Variants in PLD5 observed in about 807,000 individuals in gnomAD.
PLD5 encodes the protein inactive phospholipase D5.
PLD5 carries 36 observed loss-of-function variants against 61.1 expected under a neutral mutation model. The observed-to-expected ratio is 0.59, with a 90% CI of 0.45 to 0.78. The LOEUF is 0.78. Among genes scored for constraint, PLD5 ranks in the 30% least tolerant of loss-of-function variants. PLD5 has a pLI of 0.00. For missense variants in PLD5, 515 were observed against 644.4 expected (o/e 0.80, Z 2.17); for synonymous variants, 243 against 242.8 (o/e 1.00, Z -0.01).
Position 242,087,948 on chromosome 1 carries a change from C to T in PLD5, c.*1906G>A, listed in dbSNP as rs144686669. 6.6e-6 allele frequency: 1 copy of T among 152,308 alleles called. No homozygotes were observed. Among genetic ancestry groups the T allele is most frequent in the East Asian group, 1.9e-4 (1 of 5,182 alleles). 9.4% of individuals were successfully genotyped at this position (152,308 alleles called of 1,614,324 possible). ...TACCCTTAAAAATACAGCTTCCTTCCAGCTCTCTTGATCAACTGGTTAAAT... is the reference window on the plus strand; with the variant it reads ...TACCCTTAAAAATACAGCTTCCTTCTAGCTCTCTTGATCAACTGGTTAAAT... On this transcript the variant is annotated 3_prime_UTR_variant, in exon 10 of 10. Coordinates refer to ENST00000536534, the MANE Select transcript of PLD5 (RefSeq NM_001372062.1).
intron 1 of PLD5, among the ~76,000 whole-genome samples, chr1:242,488,896 G>A (rs953878252): frequency 1.3e-5 from 2 of 152,040 alleles, no homozygotes; most frequent in Admixed American, 6.5e-5. Context: ...CATAAAACTC[G>A]TCTAAAAGTA....
At chr1:242,173,680 G>T (rs1029788097) in intron 5 of PLD5, among the ~76,000 whole-genome samples, 1 of 152,152 alleles carries the variant, frequency 6.6e-6, no homozygotes, top group African/African-American at 2.4e-5. Flanking sequence ...AATCAGCATG[G>T]TACTGGTACC....
At position 242,520,312 on chromosome 1, in the gene PLD5, G is replaced by C. The variant is rs73148019; in HGVS notation, c.189+3776C>G. Among the ~76,000 whole-genome samples the C allele has an allele frequency of 6.4e-3, 978 of 152,300 alleles. 13 individuals carry two copies. The highest frequency in any genetic ancestry group is 0.023 in the African/African-American group (944 of 41,562). ...GCCAATAGGCACAGGTGAGATATGT[G>C]AGGTGGAAAGTATACTTTCGTGGTG... is the stretch of plus-strand genomic sequence containing the variant. On this transcript the variant is annotated intron_variant, in intron 1 of 9. Transcript: ENST00000536534.
At chr1:242,465,317 A>G (rs1203213643) in intron 1 of PLD5, among the ~76,000 whole-genome samples, 1 of 152,204 alleles carries the variant, frequency 6.6e-6, no homozygotes, top group Non-Finnish European at 1.5e-5. Flanking sequence ...ATCCAGCCCA[A>G]CATGATCTTT....
intron 5 of PLD5, among the ~76,000 whole-genome samples, chr1:242,161,315 A>C (rs1038250004): frequency 2.0e-5 from 3 of 152,114 alleles, no homozygotes; most frequent in Non-Finnish European, 4.4e-5. Context: ...TAAAACCATC[A>C]GATCTCGTGA....
chr1:242,414,772 A>T, intron 1 of PLD5, among the ~76,000 whole-genome samples: 1 of 152,344 alleles, frequency 6.6e-6, no homozygotes, highest in Admixed American at 6.5e-5. Context: ...ACATAGATGA[A>T]TTTAATTACA....
At chr1:242,365,462 A>C (rs1661289622) in intron 1 of PLD5, 1 of 164,404 alleles carries the variant, frequency 6.1e-6, no homozygotes, top group Admixed American at 6.5e-5. Flanking sequence ...GAAAAAATTC[A>C]ACCAGAATAA....
intron 4 of PLD5, among the ~76,000 whole-genome samples, chr1:242,221,237 T>A (rs1025726415): frequency 6.6e-6 from 1 of 152,220 alleles, no homozygotes; most frequent in African/African-American, 2.4e-5. Flanking sequence ...GAGCATACAG[T>A]CCATTCAATG....
At chr1:242,352,101 G>C (rs1218315970) in intron 1 of PLD5, among the ~76,000 whole-genome samples, 1 of 152,112 alleles carries the variant, frequency 6.6e-6, no homozygotes, top group Non-Finnish European at 1.5e-5. Flanking sequence ...ACAATGTACA[G>C]TACTCAATTA....
chr1:242,119,675 A>G (rs554895813), intron 6 of PLD5, among the ~76,000 whole-genome samples: 40 of 152,346 alleles, frequency 2.6e-4, no homozygotes, highest in Non-Finnish European at 5.0e-4. Flanking sequence ...ACAGAAAATA[A>G]CAAGTGTTGC....
chr1:242,256,585 A>G lies in PLD5; in HGVS notation c.607+8752T>C, dbSNP rs1425002733. 6.6e-6 allele frequency among the ~76,000 whole-genome samples: 1 copy of G among 152,168 alleles called. No homozygotes were observed. On this transcript the variant is annotated intron_variant, in intron 4 of 9. Coordinates refer to ENST00000536534, the MANE Select transcript of PLD5 (RefSeq NM_001372062.1). The surrounding 1 kb of genome is among the most constrained non-coding windows in gnomAD (Gnocchi z 5.7). ...GTTCCCTCTGGGGGATGCAGTAACA[A>G]GGCGCCATCTTGGAAGCACAGAGCA...
At chr1:242,152,073 A>C (rs979339561) in intron 5 of PLD5, among the ~76,000 whole-genome samples, 3 of 151,988 alleles carry the variant, frequency 2.0e-5, no homozygotes, top group African/African-American at 7.3e-5. Flanking sequence ...TTTGTGGTTC[A>C]AAAGTTCAAG....
At chr1:242,109,001 A>C (rs1661276650) in intron 7 of PLD5, among the ~76,000 whole-genome samples, 1 of 152,174 alleles carries the variant, frequency 6.6e-6, no homozygotes, top group South Asian at 2.1e-4. Flanking sequence ...CTTGGCAAAA[A>C]TCTAGATCCT....
At chr1:242,404,815 C>T (rs1320658380) in intron 1 of PLD5, among the ~76,000 whole-genome samples, 2 of 150,004 alleles carry the variant, frequency 1.3e-5, no homozygotes, top group African/African-American at 2.5e-5. Context: ...TCCATCAGAC[C>T]TTTATCTGAT....
chr1:242,530,053 C>T, the PLD5 span, among the ~76,000 whole-genome samples: 1 of 152,066 alleles, frequency 6.6e-6, no homozygotes, highest in African/African-American at 2.4e-5. Context: ...ACCACCACAC[C>T]CAGCTAATTT....
chr1:242,522,277 A>G (rs1263485322), intron 1 of PLD5, among the ~76,000 whole-genome samples: 1 of 152,242 alleles, frequency 6.6e-6, no homozygotes, highest in African/African-American at 2.4e-5. Context: ...AAGAAAGCAT[A>G]GATGCTCACA....
At chr1:242,141,300 C>T (rs537753388) in intron 5 of PLD5, among the ~76,000 whole-genome samples, 177 of 152,204 alleles carry the variant, frequency 1.2e-3, no homozygotes, top group African/African-American at 4.0e-3. Context: ...TGCAACCACC[C>T]GCTGTAAAAT....
At chr1:242,303,590 GATTT>G (rs897983405) in intron 2 of PLD5, among the ~76,000 whole-genome samples, 2 of 152,166 alleles carry the variant, frequency 1.3e-5, no homozygotes, top group African/African-American at 4.8e-5. Flanking sequence ...TTTATCCTTG[GATTT>G]ATTTATTTTA....
intron 2 of PLD5, among the ~76,000 whole-genome samples, chr1:242,309,533 C>T (rs1323029870): frequency 6.6e-6 from 1 of 151,870 alleles, no homozygotes; most frequent in Non-Finnish European, 1.5e-5. Flanking sequence ...GCCATCACGC[C>T]CAGCTAATTT....
Sources: gnomAD v4.1 joint callset for allele counts (sites outside exome capture counted in the v4.1 genomes callset) on GRCh38, gnomAD v4.1.1 for gene constraint, Gnocchi (gnomAD v3.1) non-coding constraint, MANE v1.5 for transcripts, NCBI Gene and HGNC (gene_info 2026-07-23, HGNC 2026-07-21) for gene names.